Variants in SENP5 observed in about 807,000 individuals in gnomAD.
SENP5 encodes the protein SUMO specific peptidase 5.
In SENP5, 21 loss-of-function variants were observed where a neutral mutation model predicts 74.2. The observed-to-expected ratio is 0.28, with a 90% CI of 0.20 to 0.41. The LOEUF is 0.41. Among genes scored for constraint, SENP5 ranks in the 10% least tolerant of loss-of-function variants. The pLI is 1.00. For missense variants in SENP5, 717 were observed against 889.1 expected (o/e 0.81, Z 2.46); for synonymous variants, 311 against 312.7 (o/e 0.99, Z 0.06).
At chr3:196,913,901 A>C (rs964445372) in intron 6 of SENP5, 1 of 152,124 alleles carries the variant, frequency 6.6e-6, no homozygotes, top group Non-Finnish European at 1.5e-5. Context: ...TGCCTGCCTC[A>C]GCCTCCCAAA....
At chr3:196,913,170 T>C (rs1715205182) in intron 6 of SENP5, 1 of 152,132 alleles carries the variant, frequency 6.6e-6, no homozygotes, top group Admixed American at 6.5e-5. Flanking sequence ...AATAAAGACA[T>C]ATACAAAAAT....
chr3:196,911,317 C>CA (rs1349600681), intron 6 of SENP5, among the ~76,000 whole-genome samples: 1 of 152,096 alleles, frequency 6.6e-6, no homozygotes, highest in Non-Finnish European at 1.5e-5. Flanking sequence ...ACCCACCTGA[C>CA]AAAGATCTAA....
Position 196,886,457 on chromosome 3 carries a change from G to C in SENP5, c.1276G>C (p.Asp426His). ...SGADTSVSSVDGPVSQKAVQN... is the reference protein window; with the variant it reads ...SGADTSVSSVHGPVSQKAVQN... ...AGCAGATACATCTGTGAGTAGCGTA[G>C]ATGGGCCTGTGTCCCAAAAGGCTGT... The change falls in exon 2 of 10, where the codon GAT becomes CAT. Residue 426 changes from aspartate (D) to histidine (H), a missense_variant. Coordinates refer to ENST00000323460, the MANE Select transcript of SENP5 (RefSeq NM_152699.5). The C allele has an allele frequency of 6.2e-7, 1 of 1,610,504 alleles. No homozygotes were observed. Among genetic ancestry groups the C allele is most frequent in the Non-Finnish European group, 8.5e-7 (1 of 1,178,060 alleles).
At chr3:196,929,530 GAA>G (rs1483927816) in intron 8 of SENP5, 101 bp from the exon 9 acceptor site, 11 of 683,916 alleles carry the variant, frequency 1.6e-5, no homozygotes, top group African/African-American at 1.5e-4. Context: ...CCTGGAGAGA[GAA>G]AAGTTTCCTA....
rs1477134210 is a variant in SENP5, at chr3:196,932,898, C to T, written c.*1975C>T. The T allele has an allele frequency of 6.6e-6, 1 of 151,652 alleles. No individual in the cohort carries two copies. Among genetic ancestry groups the T allele is most frequent in the Non-Finnish European group, 1.5e-5 (1 of 67,992 alleles). The allele number at this position is 151,652 out of a possible 1,614,324, so 9.4% of individuals were successfully genotyped here. ...GACAGAATTGTTCCTGTAAGAAAATCAACGCCGAGAGAGAGCTGCCCAAAT... is the reference window on the plus strand; with the variant it reads ...GACAGAATTGTTCCTGTAAGAAAATTAACGCCGAGAGAGAGCTGCCCAAAT... On this transcript the variant is annotated 3_prime_UTR_variant, in exon 10 of 10. Coordinates refer to ENST00000323460, the MANE Select transcript of SENP5 (RefSeq NM_152699.5).
At position 196,919,515 on chromosome 3, in the gene SENP5, CA is replaced by C. The variant is rs1020667705; in HGVS notation, c.1885-3898del. ...AAATGAACAAAGAAACGTGACCAAC[CA>C]GGGGCGGTGGCTCACGCCTGTAATC... On this transcript the variant is annotated intron_variant, in intron 6 of 9. Transcript: ENST00000323460. Among the ~76,000 whole-genome samples the C allele has an allele frequency of 7.2e-5, 11 of 152,116 alleles. No homozygotes were observed. In the East Asian group the frequency reaches 1.7e-3, roughly 24 times the overall value.
Position 196,933,026 on chromosome 3 carries a change from T to TTTTTTTTTTTTTC in SENP5, c.*2112_*2113insTTTCTTTTTTTTT, listed in dbSNP as rs1716103381. On this transcript the variant is annotated 3_prime_UTR_variant, in exon 10 of 10. Coordinates refer to ENST00000323460, the MANE Select transcript of SENP5 (RefSeq NM_152699.5). ...TGTTGAGTTTGGGTTTTTTGTTTTT[T>TTTTTTTTTTTTTC]TTTTTTTTTGAGTCAGAGTCTCACT... The TTTTTTTTTTTTTC allele has an allele frequency of 7.1e-6, 1 of 140,114 alleles. No homozygotes were observed. Among genetic ancestry groups the TTTTTTTTTTTTTC allele is most frequent in the Non-Finnish European group, 1.5e-5 (1 of 64,898 alleles). The allele number at this position is 140,114 out of a possible 1,614,324, so 8.7% of individuals were successfully genotyped here.
Position 196,872,285 on chromosome 3 carries a change from G to T in SENP5, c.-32+4212G>T, listed in dbSNP as rs189771164. On this transcript the variant is annotated intron_variant, in intron 1 of 9. Transcript: ENST00000323460. ...CAGCAGCATGGCTGGGAATACAGGGGCAGAAATGTAAAGGAAACGCATGTG... is the reference window on the plus strand; with the variant it reads ...CAGCAGCATGGCTGGGAATACAGGGTCAGAAATGTAAAGGAAACGCATGTG... Among the ~76,000 whole-genome samples, 13 of 152,294 alleles carry T rather than the reference G, an allele frequency of 8.5e-5. No individual in the cohort carries two copies. In the East Asian group the frequency reaches 2.5e-3, roughly 29 times the overall value.
intron 7 of SENP5, among the ~76,000 whole-genome samples, chr3:196,924,042 A>AGTTTT (rs1715722634): frequency 6.6e-6 from 1 of 152,204 alleles, no homozygotes; most frequent in South Asian, 2.1e-4. Flanking sequence ...CATTTATAAA[A>AGTTTT]GAAACAAAAC....
At chr3:196,879,277 A>G (rs983090229) in intron 1 of SENP5, among the ~76,000 whole-genome samples, 11 of 152,208 alleles carry the variant, frequency 7.2e-5, no homozygotes, top group African/African-American at 1.7e-4. Context: ...GCTTATTACT[A>G]TTATGTAAAT....
In SENP5 at chr3:196,932,634, G is replaced by A. The variant is rs1236654697; in HGVS notation, c.*1711G>A. On this transcript the variant is annotated 3_prime_UTR_variant, in exon 10 of 10. Transcript: ENST00000323460. ...GGTTCTGTCAGCGTTAGGAAAAAAT[G>A]ACAGTTTAGGGTAAGGAAGATCTCA... The A allele has an allele frequency of 6.6e-6, 1 of 151,216 alleles. No individual in the cohort carries two copies. Among genetic ancestry groups the A allele is most frequent in the African/African-American group, 2.4e-5 (1 of 41,194 alleles). 9.4% of individuals were successfully genotyped at this position (151,216 alleles called of 1,614,324 possible).
chr3:196,894,577 T>C (rs1262946877), intron 2 of SENP5, among the ~76,000 whole-genome samples: 5 of 151,680 alleles, frequency 3.3e-5, no homozygotes, highest in African/African-American at 1.2e-4. Flanking sequence ...TGGGAACCAA[T>C]GAAATTAGTT....
chr3:196,928,190 C>T (rs2108867721), intron 8 of SENP5, among the ~76,000 whole-genome samples: 1 of 152,256 alleles, frequency 6.6e-6, no homozygotes, highest in East Asian at 1.9e-4. Context: ...GCTCTTATTT[C>T]CAGATGACCC....
At chr3:196,922,613 T>C (rs56024801) in intron 6 of SENP5, among the ~76,000 whole-genome samples, 2,416 of 152,148 alleles carry the variant, frequency 0.016, 58 homozygotes, top group African/African-American at 0.053. Flanking sequence ...CACACCTGGC[T>C]GATTTTTTAT....
intron 6 of SENP5, among the ~76,000 whole-genome samples, chr3:196,920,174 A>T (rs866200550): frequency 6.6e-6 from 1 of 151,828 alleles, no homozygotes; most frequent in African/African-American, 2.4e-5. Flanking sequence ...ATCTAATAAT[A>T]GTAAGCCTTT....
intron 1 of SENP5, among the ~76,000 whole-genome samples, chr3:196,883,026 A>G (rs905733687): frequency 6.6e-6 from 1 of 151,636 alleles, no homozygotes; most frequent in Non-Finnish European, 1.5e-5. Context: ...CTGGGAGATG[A>G]GTGGCAAAGT....
chr3:196,907,233 A>G (rs988092632), intron 6 of SENP5, among the ~76,000 whole-genome samples: 15 of 152,012 alleles, frequency 9.9e-5, no homozygotes, highest in African/African-American at 3.6e-4. Context: ...CAGCACTTTG[A>G]GGGGCCGAGG....
At chr3:196,892,307 G>A (rs1310238178) in intron 2 of SENP5, among the ~76,000 whole-genome samples, 2 of 151,818 alleles carry the variant, frequency 1.3e-5, no homozygotes, top group Non-Finnish European at 2.9e-5. Context: ...CTATATGCCT[G>A]GCTAATTTTT....
At chr3:196,880,387 A>G (rs6775555) in intron 1 of SENP5, among the ~76,000 whole-genome samples, 3,976 of 152,268 alleles carry the variant, frequency 0.026, 186 homozygotes, top group African/African-American at 0.091. Flanking sequence ...GGCCTCTCCA[A>G]TGTTATAGAA....
Sources: allele counts gnomAD v4.1 joint callset (sites outside exome capture counted in the v4.1 genomes callset), GRCh38; gene constraint gnomAD v4.1.1; transcripts MANE v1.5; gene names NCBI Gene and HGNC (gene_info 2026-07-23, HGNC 2026-07-21).